NALCN: variants seen among roughly 807,000 people sequenced by gnomAD.
NALCN encodes sodium leak channel NALCN.
A neutral mutation model predicts 225.3 loss-of-function variants in NALCN; 111 were observed. The observed-to-expected ratio is 0.49, with a 90% CI of 0.42 to 0.58. The LOEUF (loss-of-function observed/expected upper bound fraction) is 0.58, where lower values mean the gene tolerates loss of function less well. Among genes scored for constraint, NALCN ranks in the 20% least tolerant of loss-of-function variants. NALCN has a pLI of 0.00. For missense variants in NALCN, 1,378 were observed against 2,202.4 expected (o/e 0.63, Z 7.49); for synonymous variants, 764 against 769.0 (o/e 0.99, Z 0.11).
At chr13:101,353,860 T>C (rs2045974605) in intron 6 of NALCN, among the ~76,000 whole-genome samples, 1 of 152,196 alleles carries the variant, frequency 6.6e-6, no homozygotes, top group Non-Finnish European at 1.5e-5. Flanking sequence ...ATGATTTTAT[T>C]TTAAAGGAAT....
At chr13:101,127,755 C>G (rs1435600610) in intron 17 of NALCN, among the ~76,000 whole-genome samples, 1 of 152,084 alleles carries the variant, frequency 6.6e-6, no homozygotes. Flanking sequence ...CATTTGATGT[C>G]CTAGATATGT....
chr13:101,131,029 CT>C (rs1425948845), intron 17 of NALCN, among the ~76,000 whole-genome samples: 2 of 152,020 alleles, frequency 1.3e-5, no homozygotes, highest in East Asian at 3.8e-4. Flanking sequence ...CTTCATTTCT[CT>C]TTGATTTTAA....
intron 13 of NALCN, among the ~76,000 whole-genome samples, chr13:101,205,309 T>G (rs182560923): frequency 6.6e-6 from 1 of 152,090 alleles, no homozygotes; most frequent in Non-Finnish European, 1.5e-5. Flanking sequence ...CTCTACTGAT[T>G]AACATTTTTA....
intron 13 of NALCN, among the ~76,000 whole-genome samples, chr13:101,214,241 A>G (rs1231316604): frequency 6.6e-6 from 1 of 151,410 alleles, no homozygotes; most frequent in Non-Finnish European, 1.5e-5. Context: ...TGGGAATTGA[A>G]CAATGAGAAC....
At chr13:101,415,273 A>G (rs1295665261) in intron 1 of NALCN, among the ~76,000 whole-genome samples, 1 of 146,582 alleles carries the variant, frequency 6.8e-6, no homozygotes, top group Admixed American at 6.9e-5. Flanking sequence ...TTGATCCCCT[A>G]TTAGAGGTGT....
intron 40 of NALCN, among the ~76,000 whole-genome samples, chr13:101,062,572 C>G (rs2032041384): frequency 1.3e-5 from 2 of 152,030 alleles, no homozygotes; most frequent in African/African-American, 4.8e-5. Context: ...CTCTGTTTCT[C>G]TCATTCATCC....
intron 10 of NALCN, among the ~76,000 whole-genome samples, chr13:101,262,776 C>G (rs2042472462): frequency 6.6e-6 from 1 of 152,186 alleles, no homozygotes; most frequent in Admixed American, 6.5e-5. Flanking sequence ...CTGGGCCAAA[C>G]TGCCTGGAGC....
At chr13:101,247,810 C>G (rs1048126083) in intron 11 of NALCN, among the ~76,000 whole-genome samples, 2 of 152,094 alleles carry the variant, frequency 1.3e-5, no homozygotes, top group African/African-American at 4.8e-5. Flanking sequence ...CCCCTCCCCC[C>G]ACCTCCTGAT....
chr13:101,142,081 CTATG>C (rs1245979762), intron 17 of NALCN, among the ~76,000 whole-genome samples: 1 of 147,002 alleles, frequency 6.8e-6, no homozygotes. Flanking sequence ...ATTTATATGT[CTATG>C]TGTGTATATA....
intron 2 of NALCN, among the ~76,000 whole-genome samples, chr13:101,396,580 G>GAAGA (rs2047299997): frequency 6.6e-6 from 1 of 152,028 alleles, no homozygotes; most frequent in Non-Finnish European, 1.5e-5. Context: ...ATATTTACAT[G>GAAGA]AAGATATTTT....
At chr13:101,309,636 A>T (rs1456602072) in intron 7 of NALCN, among the ~76,000 whole-genome samples, 1 of 152,196 alleles carries the variant, frequency 6.6e-6, no homozygotes, top group Non-Finnish European at 1.5e-5. Context: ...AATTCACATC[A>T]TGTAACCAAG....
chr13:101,310,684 A>AT (rs545839131), intron 7 of NALCN, among the ~76,000 whole-genome samples: 55 of 152,120 alleles, frequency 3.6e-4, no homozygotes, highest in African/African-American at 9.4e-4. Flanking sequence ...GAAAGCAAGG[A>AT]TTTTTTCTCT....
intron 13 of NALCN, among the ~76,000 whole-genome samples, chr13:101,192,475 T>C (rs915944883): frequency 2.6e-5 from 4 of 152,170 alleles, no homozygotes; most frequent in Non-Finnish European, 4.4e-5. Context: ...TAAAGGCATA[T>C]AATTTTATTT....
At chr13:101,351,777 A>G (rs549960355) in intron 6 of NALCN, among the ~76,000 whole-genome samples, 14 of 152,334 alleles carry the variant, frequency 9.2e-5, no homozygotes, top group Admixed American at 2.6e-4. Flanking sequence ...CATGTGCCCC[A>G]TAATTCAACA....
At chr13:101,059,796 A>G in intron 42 of NALCN, 22 bp downstream of exon 42, 1 of 1,612,714 alleles carries the variant, frequency 6.2e-7, no homozygotes, top group Non-Finnish European at 8.5e-7. Context: ...GTCCTGGGAC[A>G]GAGGACGCCT....
At chr13:101,344,309 T>C (rs1267163297) in intron 7 of NALCN, among the ~76,000 whole-genome samples, 1 of 152,182 alleles carries the variant, frequency 6.6e-6, no homozygotes, top group South Asian at 2.1e-4. Flanking sequence ...ACAATATTAC[T>C]GGTCAAAAGA....
intron 14 of NALCN, among the ~76,000 whole-genome samples, chr13:101,177,013 T>C (rs1171895607): frequency 6.6e-6 from 1 of 152,202 alleles, no homozygotes; most frequent in East Asian, 1.9e-4. Context: ...TCTTTACCCT[T>C]GGTCTCTCCT....
chr13:101,376,869 A>C (rs765154878), intron 5 of NALCN, 41 bp from the exon 6 acceptor site: 15 of 1,612,706 alleles, frequency 9.3e-6, no homozygotes, highest in Admixed American at 1.7e-5. Flanking sequence ...AAACTTACAA[A>C]AAACTTCATA....
rs971451917 is a variant in NALCN at position 101,104,158 on chromosome 13, T to C, written c.2889+137A>G. 7 of 931,980 alleles carry C rather than the reference T, an allele frequency of 7.5e-6. No homozygotes were observed. In the Admixed American group the frequency reaches 9.9e-5, roughly 13 times the overall value. The allele number at this position is 931,980 out of a possible 1,614,324, so 57.7% of individuals were successfully genotyped here. On this transcript the variant is annotated intron_variant, in intron 25 of 43. Coordinates refer to ENST00000251127, the MANE Select transcript of NALCN (RefSeq NM_052867.4). This position sits in a 1 kb window ranked among gnomAD's most constrained non-coding sequence, Gnocchi z 4.2. ...TGGCCCTTATTTGCATATAATGAAC[T>C]ACTCTAGAGTCCATTTAAGAATTCG...
Sources: allele counts gnomAD v4.1 joint callset (sites outside exome capture counted in the v4.1 genomes callset), GRCh38; gene constraint gnomAD v4.1.1; non-coding constraint Gnocchi (gnomAD v3.1); transcripts MANE v1.5; gene names NCBI Gene and HGNC (gene_info 2026-07-23, HGNC 2026-07-21).